Variants in SULF2 observed in about 807,000 individuals in gnomAD.
SULF2 encodes sulfatase 2, also known as extracellular sulfatase Sulf-2.
In SULF2, 52 loss-of-function variants were observed where a neutral mutation model predicts 107.7. The observed-to-expected ratio is 0.48, with a 90% CI of 0.39 to 0.61. SULF2 has a LOEUF of 0.61. SULF2 is among the 20% of genes least tolerant of loss of function. SULF2 has a pLI of 0.00. For missense variants in SULF2, 993 were observed against 1,177.3 expected, an observed-to-expected ratio of 0.84 and a Z score of 2.29; for synonymous variants, 460 against 464.3, an observed-to-expected ratio of 0.99 and a Z score of 0.12.
At chr20:47,733,887 T>C (rs1313675829) in intron 3 of SULF2, among the ~76,000 whole-genome samples, 2 of 152,232 alleles carry the variant, frequency 1.3e-5, no homozygotes, top group African/African-American at 4.8e-5. Flanking sequence ...TTATGAAATG[T>C]TGGTCCACTT....
chr20:47,778,026 A>G (rs1481787406), intron 1 of SULF2, among the ~76,000 whole-genome samples: 1 of 151,294 alleles, frequency 6.6e-6, no homozygotes, highest in African/African-American at 2.4e-5. Flanking sequence ...CTATAGTCCC[A>G]CCTACTTGGG....
intron 18 of SULF2, among the ~76,000 whole-genome samples, chr20:47,661,163 A>G (rs1042732096): frequency 2.0e-5 from 3 of 151,808 alleles, no homozygotes; most frequent in Non-Finnish European, 4.4e-5. Context: ...GCCACTCTCC[A>G]CTGGCCTCAG....
At chr20:47,762,995 C>A (rs1447858105) in intron 1 of SULF2, among the ~76,000 whole-genome samples, 2 of 152,214 alleles carry the variant, frequency 1.3e-5, no homozygotes, top group African/African-American at 4.8e-5. Context: ...TCTCCGGATG[C>A]TGAAGAAATC....
intron 9 of SULF2, 82 bp from the exon 10 acceptor site, chr20:47,676,705 G>T: frequency 6.6e-7 from 1 of 1,511,076 alleles, no homozygotes; most frequent in South Asian, 1.2e-5. Flanking sequence ...CACCTAGAGG[G>T]GTGCCCCCTC....
intron 17 of SULF2, 118 bp from the exon 18 acceptor site, chr20:47,662,014 TGACCTGTTTACTCCAAC>T: frequency 8.9e-7 from 1 of 1,124,978 alleles, no homozygotes; most frequent in Non-Finnish European, 1.2e-6. Context: ...TAGGGGCTGG[TGACCTGTTTACTCCAAC>T]TTCTGCAAGA....
At chr20:47,758,228 A>G (rs2090340713) in intron 1 of SULF2, among the ~76,000 whole-genome samples, 1 of 141,818 alleles carries the variant, frequency 7.1e-6, no homozygotes. Context: ...GAGTGCAATG[A>G]CGCCATCTGG....
chr20:47,684,603 A>G (rs1363452262), intron 5 of SULF2, 22 bp from the exon 6 acceptor site: 4 of 1,609,798 alleles, frequency 2.5e-6, no homozygotes, highest in Non-Finnish European at 2.5e-6. Flanking sequence ...GGACATACAC[A>G]TCGGTCAAAC....
chr20:47,756,251 T>C (rs2090280467), intron 2 of SULF2, among the ~76,000 whole-genome samples: 1 of 152,164 alleles, frequency 6.6e-6, no homozygotes, highest in Non-Finnish European at 1.5e-5. Flanking sequence ...CCCATAGTTA[T>C]CAAATGCGCC....
intron 3 of SULF2, among the ~76,000 whole-genome samples, chr20:47,730,935 G>T (rs2089583074): frequency 6.6e-6 from 1 of 152,126 alleles, no homozygotes; most frequent in African/African-American, 2.4e-5. Context: ...GGGCAAGTTG[G>T]CACAAACCAT....
At chr20:47,764,273 C>A (rs1336750204) in intron 1 of SULF2, among the ~76,000 whole-genome samples, 1 of 152,248 alleles carries the variant, frequency 6.6e-6, no homozygotes, top group South Asian at 2.1e-4. Flanking sequence ...TATCAGCCCC[C>A]TGAAGGTACA....
intron 18 of SULF2, among the ~76,000 whole-genome samples, chr20:47,660,425 C>T (rs1251243757): frequency 6.6e-5 from 10 of 152,120 alleles, no homozygotes; most frequent in South Asian, 2.1e-4. Flanking sequence ...TAACTAGAGC[C>T]GACGGTAGCG....
chr20:47,716,235 C>T (rs562439381), intron 3 of SULF2, among the ~76,000 whole-genome samples: 1 of 152,310 alleles, frequency 6.6e-6, no homozygotes, highest in African/African-American at 2.4e-5. Context: ...AAACTCACTA[C>T]TTGTTAGCAT....
chr20:47,780,376 G>A (rs2122720779), intron 1 of SULF2, among the ~76,000 whole-genome samples: 1 of 151,958 alleles, frequency 6.6e-6, no homozygotes, highest in South Asian at 2.1e-4. Context: ...CCCTCCCACC[G>A]CCTCTGGGCC....
chr20:47,663,285 A>G lies in SULF2; in HGVS notation c.2228-73T>C, dbSNP rs16992731. 1.8e-3 allele frequency: 2,907 copies of G among 1,601,506 alleles called. 41 individuals are homozygous for G. The African/African-American group carries it at 0.027, about 15-fold the overall frequency. The stretch of plus-strand genomic sequence containing the variant: ...CCATCTGCCAACAGTGATTCCTGTC[A>G]GGGACAGCCCCTAAAACCAGTTCGT... On this transcript the variant is annotated intron_variant, in intron 16 of 20. Transcript: ENST00000688720.
At chr20:47,716,826 T>C (rs1490284568) in intron 3 of SULF2, among the ~76,000 whole-genome samples, 4 of 151,956 alleles carry the variant, frequency 2.6e-5, no homozygotes, top group African/African-American at 9.7e-5. Context: ...TGAGACCTCA[T>C]CTCTACAAAA....
At chr20:47,709,016 C>T (rs2088835710) in intron 3 of SULF2, among the ~76,000 whole-genome samples, 1 of 152,184 alleles carries the variant, frequency 6.6e-6, no homozygotes, top group Non-Finnish European at 1.5e-5. Context: ...TTAGATTTTG[C>T]TCTCATTTGA....
chr20:47,777,386 C>T (rs1568933403), intron 1 of SULF2, among the ~76,000 whole-genome samples: 3 of 152,056 alleles, frequency 2.0e-5, no homozygotes, highest in Admixed American at 6.5e-5. Context: ...TCCTATAGTC[C>T]CACTTTGTAG....
chr20:47,747,091 C>A (rs1196758630), intron 2 of SULF2, among the ~76,000 whole-genome samples: 1 of 144,308 alleles, frequency 6.9e-6, no homozygotes, highest in Non-Finnish European at 1.5e-5. Context: ...CTGCTGGTGG[C>A]AACTCTTGCT....
chr20:47,737,007 C>A (rs959001793), intron 2 of SULF2, 65 bp from the exon 3 acceptor site: 24 of 1,602,058 alleles, frequency 1.5e-5, no homozygotes, highest in Non-Finnish European at 1.8e-5. Context: ...CACCAGGGGG[C>A]TCTCAGCACG....
Sources: gnomAD v4.1 joint callset for allele counts (sites outside exome capture counted in the v4.1 genomes callset) on GRCh38, gnomAD v4.1.1 for gene constraint, MANE v1.5 for transcripts, NCBI Gene and HGNC (gene_info 2026-07-23, HGNC 2026-07-21) for gene names.